The following NTM variants were observed in gnomAD, a reference collection of about 807,000 sequenced individuals.
NTM encodes neurotrimin.
Under a neutral mutation model 42.1 loss-of-function variants are expected in NTM, and 13 were observed. That is an observed-to-expected ratio of 0.31 (90% CI 0.20 to 0.49). The LOEUF is 0.49. Among genes scored for constraint, NTM ranks in the 20% least tolerant of loss-of-function variants. NTM has a pLI of 0.99. For missense variants in NTM, 373 were observed against 452.8 expected (o/e 0.82, Z 1.60); for synonymous variants, 187 against 179.2 (o/e 1.04, Z -0.35).
At chr11:132,290,003 C>T (rs573669644) in intron 4 of NTM, among the ~76,000 whole-genome samples, 33 of 152,264 alleles carry the variant, frequency 2.2e-4, no homozygotes, top group Admixed American at 7.8e-4. Flanking sequence ...AAGTTTAAGC[C>T]AGGAAAGGAA....
At chr11:131,485,635 G>C (rs1954096849) in intron 1 of NTM, among the ~76,000 whole-genome samples, 1 of 152,326 alleles carries the variant, frequency 6.6e-6, no homozygotes, top group African/African-American at 2.4e-5. Flanking sequence ...CTGAGAATAA[G>C]TAGTAAATTA....
At chr11:131,681,982 A>G (rs1356659430) in intron 1 of NTM, among the ~76,000 whole-genome samples, 2 of 151,990 alleles carry the variant, frequency 1.3e-5, no homozygotes, top group African/African-American at 4.8e-5. Flanking sequence ...AGCAATTGGT[A>G]GGCTGAGCTG....
intron 1 of NTM, among the ~76,000 whole-genome samples, chr11:131,807,063 C>A (rs2092531073): frequency 6.6e-6 from 1 of 152,096 alleles, no homozygotes; most frequent in Admixed American, 6.6e-5. Flanking sequence ...GGAAGAAACA[C>A]AGGGCAGTCA....
At chr11:131,913,326 A>G (rs1256199146) in intron 2 of NTM, among the ~76,000 whole-genome samples, 1 of 147,188 alleles carries the variant, frequency 6.8e-6, no homozygotes, top group Admixed American at 6.6e-5. Context: ...TTTAGATATA[A>G]ATGGGATTTT....
At chr11:131,610,812 A>AAATGAACG (rs1343432340) in intron 1 of NTM, among the ~76,000 whole-genome samples, 1 of 152,180 alleles carries the variant, frequency 6.6e-6, no homozygotes, top group Non-Finnish European at 1.5e-5. Context: ...ATATGCTATG[A>AAATGAACG]AATGAACGCT....
intron 1 of NTM, among the ~76,000 whole-genome samples, chr11:131,379,955 T>C (rs1327677856): frequency 6.6e-6 from 1 of 152,126 alleles, no homozygotes; most frequent in Non-Finnish European, 1.5e-5. Flanking sequence ...TGATTCCAAA[T>C]CCAAGTAGAA....
chr11:132,001,112 G>C (rs548639374), intron 2 of NTM, among the ~76,000 whole-genome samples: 1 of 152,238 alleles, frequency 6.6e-6, no homozygotes, highest in East Asian at 1.9e-4. Flanking sequence ...TGTTTTGCAG[G>C]TTGCAAAACA....
intron 2 of NTM, among the ~76,000 whole-genome samples, chr11:131,996,691 A>G (rs534916399): frequency 2.5e-4 from 38 of 150,786 alleles, no homozygotes; most frequent in African/African-American, 7.6e-4. Flanking sequence ...TCGTCTTCAT[A>G]CTTGCTTTAC....
At chr11:131,430,090 G>C (rs1363115393) in intron 1 of NTM, among the ~76,000 whole-genome samples, 3 of 152,182 alleles carry the variant, frequency 2.0e-5, no homozygotes, top group Non-Finnish European at 4.4e-5. Context: ...CTGTCACTGT[G>C]CTGGGCGCTG....
intron 1 of NTM, among the ~76,000 whole-genome samples, chr11:131,532,758 C>A (rs772737587): frequency 4.6e-5 from 7 of 152,208 alleles, no homozygotes; most frequent in Non-Finnish European, 1.0e-4. Context: ...TTTTACATAA[C>A]ACATTCTAAT....
intron 1 of NTM, among the ~76,000 whole-genome samples, chr11:131,529,198 C>T (rs2050906188): frequency 2.6e-5 from 4 of 152,222 alleles, no homozygotes; most frequent in Admixed American, 2.6e-4. Context: ...TGACATCCTG[C>T]CACAGTTTAC....
chr11:131,470,230 T>A (rs1459134342), intron 1 of NTM, among the ~76,000 whole-genome samples: 1 of 152,210 alleles, frequency 6.6e-6, no homozygotes, highest in Admixed American at 6.5e-5. Context: ...AAAGTAGGAC[T>A]CTAATCCATA....
chr11:132,224,943 G>T (rs1592339601), intron 4 of NTM, among the ~76,000 whole-genome samples: 1 of 152,180 alleles, frequency 6.6e-6, no homozygotes, highest in East Asian at 1.9e-4. Flanking sequence ...TGTGGCAATA[G>T]GTAGGGTATT....
chr11:132,006,092 C>T (rs941410372), intron 2 of NTM, among the ~76,000 whole-genome samples: 2 of 152,112 alleles, frequency 1.3e-5, no homozygotes, highest in African/African-American at 4.8e-5. Flanking sequence ...CTTTGGAAGC[C>T]TCATCCCATT....
chr11:131,660,170 A>G, intron 1 of NTM: 1 of 209,774 alleles, frequency 4.8e-6, no homozygotes, highest in African/African-American at 2.2e-5. Context: ...AGGGTTCTCA[A>G]AGTGTCCCGT....
chr11:132,276,020 G>T (rs1330161859), intron 4 of NTM, among the ~76,000 whole-genome samples: 5 of 151,598 alleles, frequency 3.3e-5, no homozygotes, highest in African/African-American at 1.2e-4. Flanking sequence ...CTCTGATAAC[G>T]ACTGTTCTAC....
intron 2 of NTM, among the ~76,000 whole-genome samples, chr11:132,107,560 G>A (rs1051818489): frequency 6.6e-6 from 1 of 151,174 alleles, no homozygotes; most frequent in Non-Finnish European, 1.5e-5. Context: ...TGTAAAGACA[G>A]TGTTTCACTT....
intron 3 of NTM, among the ~76,000 whole-genome samples, chr11:132,194,473 G>T (rs987092435): frequency 6.6e-6 from 1 of 152,052 alleles, no homozygotes; most frequent in Non-Finnish European, 1.5e-5. Context: ...GCCTCAAAAT[G>T]ATAAGAGACA....
intron 1 of NTM, among the ~76,000 whole-genome samples, chr11:131,415,575 C>A (rs1277644026): frequency 6.6e-6 from 1 of 152,092 alleles, no homozygotes; most frequent in East Asian, 1.9e-4. Context: ...CTGTGGGCAC[C>A]TGACTTTTAG....
Sources: allele counts gnomAD v4.1 joint callset (sites outside exome capture counted in the v4.1 genomes callset), GRCh38; gene constraint gnomAD v4.1.1; transcripts MANE v1.5; gene names NCBI Gene and HGNC (gene_info 2026-07-23, HGNC 2026-07-21).